APCDD1L: variants seen among roughly 807,000 people sequenced by gnomAD.
APCDD1L encodes the protein APC down-regulated 1 like.
Under a neutral mutation model 24.2 loss-of-function variants are expected in APCDD1L, and 21 were observed. The observed-to-expected ratio is 0.87, with a 90% CI of 0.61 to 1.25. APCDD1L has a LOEUF of 1.25. APCDD1L is among the 50% of genes most tolerant of loss of function. The probability of loss-of-function intolerance (pLI) is 0.00; values close to 1 mark genes in which losing one functional copy is unlikely to be tolerated. For synonymous variants in APCDD1L, 321 were observed against 323.6 expected (o/e 0.99, Z 0.09); for missense variants, 704 against 711.7 (o/e 0.99, Z 0.12).
At chr20:58,500,437 G>A (rs1273984618) in intron 1 of APCDD1L, among the ~76,000 whole-genome samples, 1 of 152,044 alleles carries the variant, frequency 6.6e-6, no homozygotes, top group Non-Finnish European at 1.5e-5. Flanking sequence ...CCCCGCTCTG[G>A]GCCAAGGGCA....
rs962066837 is a variant in APCDD1L at position 58,461,993 on chromosome 20, A to G, written c.742-439T>C. ...ATCAAACTGGAATGCATCGTGCCTT[A>G]CAGTACTAAAAAGCCCTAGAAAGCC... is the stretch of plus-strand genomic sequence containing the variant. On this transcript the variant is annotated intron_variant, in intron 3 of 3. Transcript: ENST00000371149. The surrounding 1 kb of genome is among the most constrained non-coding windows in gnomAD (Gnocchi z 6.0). The G allele has an allele frequency of 6.6e-5, 11 of 166,680 alleles. No individual in the cohort carries two copies. Among genetic ancestry groups the G allele is most frequent in the Middle Eastern group, 2.7e-3 (1 of 366 alleles). The allele number at this position is 166,680 out of a possible 1,614,324, so 10.3% of individuals were successfully genotyped here.
chr20:58,495,064 G>A (rs928739526), intron 1 of APCDD1L, among the ~76,000 whole-genome samples: 5 of 152,094 alleles, frequency 3.3e-5, no homozygotes, highest in Non-Finnish European at 7.4e-5. Context: ...CTGGACACTG[G>A]CCCCAACTGG....
chr20:58,503,329 T>C (rs1990477811), intron 1 of APCDD1L, among the ~76,000 whole-genome samples: 1 of 152,238 alleles, frequency 6.6e-6, no homozygotes, highest in South Asian at 2.1e-4. Context: ...AATTTCAGTC[T>C]GTGGTTTGCT....
chr20:58,512,993 T>A (rs1476763355), intron 1 of APCDD1L, among the ~76,000 whole-genome samples: 2 of 150,308 alleles, frequency 1.3e-5, no homozygotes, highest in African/African-American at 2.5e-5. Context: ...GCAGCAAGAC[T>A]CCCCAAGAGC....
chr20:58,481,622 G>T (rs1395378159), intron 1 of APCDD1L, among the ~76,000 whole-genome samples: 1 of 152,314 alleles, frequency 6.6e-6, no homozygotes, highest in South Asian at 2.1e-4. Flanking sequence ...GAACCCCAGC[G>T]TCGGGGGAGG....
At chr20:58,512,973 G>A (rs528067152) in intron 1 of APCDD1L, among the ~76,000 whole-genome samples, 61 of 152,238 alleles carry the variant, frequency 4.0e-4, no homozygotes, top group African/African-American at 1.4e-3. Flanking sequence ...AAAGGTCACC[G>A]AGGAGCTGGG....
At chr20:58,489,497 C>T (rs1461490837) in intron 1 of APCDD1L, among the ~76,000 whole-genome samples, 1 of 152,102 alleles carries the variant, frequency 6.6e-6, no homozygotes, top group Non-Finnish European at 1.5e-5. Context: ...GCCTGGCCAG[C>T]ATGGTGAAAC....
In APCDD1L at chr20:58,510,406, C is replaced by G. The variant is rs374708134; in HGVS notation, c.49+4253G>C. ...GGAGTGCATTGGTGCAATCTTGGCC[C>G]ACTGCAACCTCCGCCTCCCGGGTTC... On this transcript the variant is annotated intron_variant, in intron 1 of 3. Transcript: ENST00000371149. Among the ~76,000 whole-genome samples, 3 of 152,286 alleles carry G rather than the reference C, an allele frequency of 2.0e-5. No homozygotes were observed. In the South Asian group the frequency reaches 6.2e-4, roughly 32 times the overall value.
In APCDD1L at chr20:58,505,939, G is replaced by T. The variant is rs115382260; in HGVS notation, c.49+8720C>A. ...AGTGATGGGTTTAAAGCCAGGGAAT[G>T]CCAAGGACTGCTGGCAAATACCAGA... On this transcript the variant is annotated intron_variant, in intron 1 of 3. Transcript: ENST00000371149. 9.3e-3 allele frequency among the ~76,000 whole-genome samples: 1,412 copies of T among 152,286 alleles called. 16 individuals carry two copies. The highest frequency in any genetic ancestry group is 0.041 in the Middle Eastern group (12 of 294).
rs1265867277 is a variant in APCDD1L at position 58,461,481 on chromosome 20, G to A, written c.815C>T (p.Pro272Leu). The change falls in exon 4 of 4, where the codon CCC becomes CTC. Residue 272 changes from proline to leucine, a missense_variant. Pro to Leu is a moderately conservative substitution (Grantham distance 98). Coordinates refer to ENST00000371149, the MANE Select transcript of APCDD1L (RefSeq NM_153360.3). The surrounding 1 kb of genome is among the most constrained non-coding windows in gnomAD (Gnocchi z 6.0). Reference protein sequence around the residue: ...SDVHHPPVLPPPLALPLHLGG... With the variant: ...SDVHHPPVLPLPLALPLHLGG... ...CAGGTGCAGGGGCAGGGCCAGAGGGGGCGGCAGCACGGGCGGGTGGTGCAC... is the reference window on the plus strand; with the variant it reads ...CAGGTGCAGGGGCAGGGCCAGAGGGAGCGGCAGCACGGGCGGGTGGTGCAC... 1 of 1,475,764 alleles carries A rather than the reference G, an allele frequency of 6.8e-7. No homozygotes were observed. Among genetic ancestry groups the A allele is most frequent in the Non-Finnish European group, 9.0e-7 (1 of 1,110,940 alleles). 91.4% of individuals were successfully genotyped at this position (1,475,764 alleles called of 1,614,324 possible). A position where few individuals can be genotyped will look rare whatever the true frequency, so the allele number is the denominator to read the frequency against.
chr20:58,509,941 C>T (rs957698222), intron 1 of APCDD1L, among the ~76,000 whole-genome samples: 1 of 152,210 alleles, frequency 6.6e-6, no homozygotes, highest in African/African-American at 2.4e-5. Context: ...CCCCTGCCAA[C>T]CCCTGACCTT....
In APCDD1L at chr20:58,482,548, G is replaced by A. The variant is rs1232856821; in HGVS notation, c.50-11801C>T. On this transcript the variant is annotated intron_variant, in intron 1 of 3. Coordinates refer to ENST00000371149, the MANE Select transcript of APCDD1L (RefSeq NM_153360.3). ...GGTTCTTACCCTCGGAAGAGCGCAC[G>A]TAGCTCAGGAAGGGGACAAAGCGGT... 3.9e-5 allele frequency among the ~76,000 whole-genome samples: 6 copies of A among 152,000 alleles called. No homozygotes were observed. The East Asian group carries it at 9.7e-4, about 25-fold the overall frequency.
chr20:58,470,504 G>T (rs1203667808), intron 2 of APCDD1L, 105 bp downstream of exon 2: 22 of 1,417,520 alleles, frequency 1.6e-5, no homozygotes, highest in Non-Finnish European at 1.8e-5. Context: ...AAGGCCTCTT[G>T]GATAACTATG....
intron 1 of APCDD1L, among the ~76,000 whole-genome samples, chr20:58,490,441 G>A (rs572871855): frequency 6.6e-6 from 1 of 152,196 alleles, no homozygotes; most frequent in African/African-American, 2.4e-5. Flanking sequence ...AGGGGTATTT[G>A]GGGAAGCCTG....
intron 3 of APCDD1L, among the ~76,000 whole-genome samples, chr20:58,463,257 G>C (rs978911784): frequency 1.3e-5 from 2 of 151,944 alleles, no homozygotes; most frequent in Non-Finnish European, 2.9e-5. Context: ...GTTCATTGTC[G>C]TGTTATTTGT....
intron 2 of APCDD1L, 96 bp downstream of exon 2, chr20:58,470,513 T>C (rs1989789671): frequency 6.9e-7 from 1 of 1,438,876 alleles, no homozygotes; most frequent in Non-Finnish European, 9.2e-7. Flanking sequence ...TGGATAACTA[T>C]GTGAATTATG....
rs1245094677 is a variant in APCDD1L, at chr20:58,508,364, A to G, written c.49+6295T>C. Among the ~76,000 whole-genome samples, 2 of 152,210 alleles carry G rather than the reference A, an allele frequency of 1.3e-5. No homozygotes were observed. Among genetic ancestry groups the G allele is most frequent in the African/African-American group, 4.8e-5 (2 of 41,454 alleles). ...GATGACTGTCACATGGGGATCAAGG[A>G]GCACAGGGAGGGGAGAGCACAGAGA... On this transcript the variant is annotated intron_variant, in intron 1 of 3. Transcript: ENST00000371149. This position sits in a 1 kb window ranked among gnomAD's most constrained non-coding sequence, Gnocchi z 4.0.
intron 1 of APCDD1L, among the ~76,000 whole-genome samples, chr20:58,503,067 C>T (rs916332568): frequency 6.6e-6 from 1 of 152,172 alleles, no homozygotes; most frequent in African/African-American, 2.4e-5. Flanking sequence ...AAATGCACGT[C>T]TCTGAATTTC....
rs999951431 is a variant in APCDD1L at position 58,494,259 on chromosome 20, ATTTCTTTTTTCT to A, written c.49+20388_49+20399del. ...CTCATGTGGTTTAAGGGTCAACTGC[ATTTCTTTTTTCT>A]TTTCTTTTCTTTTCTTACTTTTCTT... On this transcript the variant is annotated intron_variant, in intron 1 of 3. Coordinates refer to ENST00000371149, the MANE Select transcript of APCDD1L (RefSeq NM_153360.3). The surrounding 1 kb of genome is among the most constrained non-coding windows in gnomAD (Gnocchi z 4.8). 1.1e-3 allele frequency among the ~76,000 whole-genome samples: 165 copies of A among 150,702 alleles called. No homozygotes were observed. Among genetic ancestry groups the A allele is most frequent in the African/African-American group, 3.9e-3 (161 of 41,242 alleles).
Sources: allele counts gnomAD v4.1 joint callset (sites outside exome capture counted in the v4.1 genomes callset), GRCh38; gene constraint gnomAD v4.1.1; non-coding constraint Gnocchi (gnomAD v3.1); transcripts MANE v1.5; gene names NCBI Gene and HGNC (gene_info 2026-07-23, HGNC 2026-07-21).